Variants in RAB20 observed in about 807,000 individuals in gnomAD.
The protein encoded by RAB20 is RAB20, member RAS oncogene family, also known as ras-related protein Rab-20.
In RAB20, 2 loss-of-function variants were observed where a neutral mutation model predicts 3.7. The ratio of observed to expected loss-of-function variants is 0.54; its 90% CI spans 0.22 to 1.69. The LOEUF is 1.69. Ranked by LOEUF, RAB20 falls within the 40% of genes most tolerant of loss-of-function variation. The pLI is 0.19. For missense variants in RAB20, 276 were observed against 311.9 expected (o/e 0.88, Z 0.87); for synonymous variants, 126 against 130.8 (o/e 0.96, Z 0.25).
At chr13:110,541,522 TAGA>T (rs1594134501) in intron 1 of RAB20, among the ~76,000 whole-genome samples, 1 of 152,208 alleles carries the variant, frequency 6.6e-6, no homozygotes, top group Non-Finnish European at 1.5e-5. Flanking sequence ...CAAGATTCGC[TAGA>T]AGATTTCCAG....
chr13:110,561,299 TC>T, intron 1 of RAB20, 48 bp downstream of exon 1: 2 of 1,498,832 alleles, frequency 1.3e-6, no homozygotes, highest in East Asian at 2.8e-5. Context: ...GCGCCCCCCG[TC>T]CCCGGCGGAG....
chr13:110,556,351 G>C (rs989083981), intron 1 of RAB20, among the ~76,000 whole-genome samples: 1 of 152,202 alleles, frequency 6.6e-6, no homozygotes, highest in Non-Finnish European at 1.5e-5. Context: ...TTTTCGGAGA[G>C]AGGATAAAAC....
chr13:110,552,223 A>G lies in RAB20; in HGVS notation c.172+9125T>C, dbSNP rs146370227. ...GTGAAACCCTGTCTCTACTAAAAATACAAAAATTAGCCGGGCATGGTGGTG... is the reference window on the plus strand; with the variant it reads ...GTGAAACCCTGTCTCTACTAAAAATGCAAAAATTAGCCGGGCATGGTGGTG... On this transcript the variant is annotated intron_variant, in intron 1 of 1. Transcript: ENST00000267328. 1.3e-3 allele frequency among the ~76,000 whole-genome samples: 201 copies of G among 152,010 alleles called. 1 individual carries two copies. Among genetic ancestry groups the G allele is most frequent in the African/African-American group, 4.7e-3 (195 of 41,450 alleles).
intron 1 of RAB20, among the ~76,000 whole-genome samples, chr13:110,552,618 A>G (rs975737528): frequency 3.3e-5 from 5 of 151,592 alleles, no homozygotes; most frequent in East Asian, 1.9e-4. Context: ...GCGTGAACCC[A>G]GGAGGCGGAG....
intron 1 of RAB20, among the ~76,000 whole-genome samples, chr13:110,544,445 T>G (rs191963283): frequency 2.2e-4 from 34 of 152,348 alleles, no homozygotes; most frequent in African/African-American, 7.2e-4. Flanking sequence ...AAAATGCCAT[T>G]GGAATTATGA....
intron 1 of RAB20, among the ~76,000 whole-genome samples, chr13:110,557,479 T>A (rs184528356): frequency 6.6e-4 from 100 of 152,314 alleles, no homozygotes; most frequent in African/African-American, 2.2e-3. Context: ...GAGGAGGCCC[T>A]GGTGTGGCCA....
intron 1 of RAB20, among the ~76,000 whole-genome samples, chr13:110,524,869 C>A (rs1020943391): frequency 1.3e-5 from 2 of 152,258 alleles, no homozygotes; most frequent in Non-Finnish European, 2.9e-5. Context: ...AGGAGCCAGG[C>A]CCCAGCATTC....
chr13:110,554,344 A>G (rs949676705), intron 1 of RAB20, among the ~76,000 whole-genome samples: 6 of 152,164 alleles, frequency 3.9e-5, no homozygotes, highest in Non-Finnish European at 7.3e-5. Context: ...AGCAACACAT[A>G]TGACACAGCC....
chr13:110,555,318 T>C lies in RAB20; in HGVS notation c.172+6030A>G, dbSNP rs1002962708. Among the ~76,000 whole-genome samples, 7 of 152,174 alleles carry C rather than the reference T, an allele frequency of 4.6e-5. No homozygotes were observed. The highest frequency in any genetic ancestry group is 1.4e-4 in the African/African-American group (6 of 41,438). On this transcript the variant is annotated intron_variant, in intron 1 of 1. Coordinates refer to ENST00000267328, the MANE Select transcript of RAB20 (RefSeq NM_017817.3). This position sits in a 1 kb window ranked among gnomAD's most constrained non-coding sequence, Gnocchi z 4.0. ...TGAATTCCTCTTCCACGTGACAACC[T>C]TCCAACACTCAAAAACTTCCTGGGA...
At chr13:110,529,172 T>C (rs4773210) in intron 1 of RAB20, among the ~76,000 whole-genome samples, 35,909 of 152,216 alleles carry the variant, frequency 0.24, 4,361 homozygotes, top group East Asian at 0.32. Context: ...ATGGTGTCAC[T>C]ACAACTTGAC....
chr13:110,551,937 C>A (rs1337774070), intron 1 of RAB20, among the ~76,000 whole-genome samples: 2 of 44,530 alleles, frequency 4.5e-5, no homozygotes, highest in Middle Eastern at 0.019. Flanking sequence ...AAAAAAAATA[C>A]AAAAATTAGC....
intron 1 of RAB20, among the ~76,000 whole-genome samples, chr13:110,528,454 C>T (rs1289524676): frequency 6.6e-6 from 1 of 150,890 alleles, no homozygotes; most frequent in African/African-American, 2.4e-5. Flanking sequence ...AAGAAAAATG[C>T]TTCTTCGTCA....
chr13:110,552,692 CAAAT>C (rs199741920), intron 1 of RAB20, among the ~76,000 whole-genome samples: 2,332 of 144,732 alleles, frequency 0.016, 21 homozygotes, highest in South Asian at 0.031. Flanking sequence ...GACTCCATCT[CAAAT>C]AAATAAATAA....
intron 1 of RAB20, among the ~76,000 whole-genome samples, chr13:110,534,242 A>G (rs772355970): frequency 3.5e-4 from 54 of 152,334 alleles, no homozygotes; most frequent in Admixed American, 1.6e-3. Flanking sequence ...CCAGACAGCA[A>G]CAAAGCAACC....
chr13:110,524,330 A>C, intron 1 of RAB20, 133 bp from the exon 2 acceptor site: 3 of 1,336,528 alleles, frequency 2.2e-6, no homozygotes, highest in Admixed American at 2.9e-5. Flanking sequence ...ATGCTTAAAC[A>C]TAGTTGATGG....
chr13:110,555,846 G>A lies in RAB20; in HGVS notation c.172+5502C>T, dbSNP rs1206413704. On this transcript the variant is annotated intron_variant, in intron 1 of 1. Transcript: ENST00000267328. The surrounding 1 kb of genome is among the most constrained non-coding windows in gnomAD (Gnocchi z 4.0). ...AGTGCCCCCAGCCTTCCCTCCTCTC[G>A]CCGTGGCCTCCCCATTTATTAGAGA... is the stretch of plus-strand genomic sequence containing the variant. Among the ~76,000 whole-genome samples, 2 of 152,106 alleles carry A rather than the reference G, an allele frequency of 1.3e-5. No individual in the cohort carries two copies. The highest frequency in any genetic ancestry group is 4.8e-5 in the African/African-American group (2 of 41,412).
At chr13:110,531,525 G>A (rs1276358912) in intron 1 of RAB20, among the ~76,000 whole-genome samples, 1 of 152,224 alleles carries the variant, frequency 6.6e-6, no homozygotes, top group African/African-American at 2.4e-5. Flanking sequence ...CGGTACCTCA[G>A]TTTCCCCGTC....
chr13:110,542,133 C>T (rs568224074), intron 1 of RAB20, among the ~76,000 whole-genome samples: 98 of 152,158 alleles, frequency 6.4e-4, no homozygotes, highest in Non-Finnish European at 1.3e-3. Flanking sequence ...TGCAGGATGA[C>T]GAGTTTTGTT....
At chr13:110,545,671 C>G (rs1315253247) in intron 1 of RAB20, among the ~76,000 whole-genome samples, 1 of 152,250 alleles carries the variant, frequency 6.6e-6, no homozygotes, top group Middle Eastern at 3.4e-3. Context: ...ACATGGGCCC[C>G]CAGAGCTTGG....
Sources: allele counts gnomAD v4.1 joint callset (sites outside exome capture counted in the v4.1 genomes callset), GRCh38; gene constraint gnomAD v4.1.1; non-coding constraint Gnocchi (gnomAD v3.1); transcripts MANE v1.5; gene names NCBI Gene and HGNC (gene_info 2026-07-23, HGNC 2026-07-21).